The following ZNF329 variants were observed in gnomAD, a reference collection of about 807,000 sequenced individuals.
The protein encoded by ZNF329 is zinc finger protein 329.
Under a neutral mutation model 26.6 loss-of-function variants are expected in ZNF329, and 15 were observed. That is an observed-to-expected ratio of 0.56 (90% CI 0.38 to 0.87). The LOEUF is 0.87. ZNF329 is among the 40% of genes least tolerant of loss of function. The probability of loss-of-function intolerance (pLI) is 0.00; values close to 1 mark genes in which losing one functional copy is unlikely to be tolerated. For synonymous variants in ZNF329, 239 were observed against 233.5 expected (o/e 1.02, Z -0.21); for missense variants, 651 against 651.9 (o/e 1.00, Z 0.02).
intron 3 of ZNF329, among the ~76,000 whole-genome samples, chr19:58,131,745 T>TG (rs2146070541): frequency 6.6e-6 from 1 of 151,748 alleles, no homozygotes; most frequent in Admixed American, 6.6e-5. Context: ...AAACATTGGC[T>TG]GGGAGCAGTG....
chr19:58,135,980 C>T (rs367553975), intron 3 of ZNF329, among the ~76,000 whole-genome samples: 3 of 152,122 alleles, frequency 2.0e-5, no homozygotes, highest in South Asian at 4.1e-4. Flanking sequence ...GCCTTGTAAT[C>T]CCAGCACTTT....
chr19:58,144,605 T>A (rs2075264981), intron 1 of ZNF329, among the ~76,000 whole-genome samples: 1 of 151,742 alleles, frequency 6.6e-6, no homozygotes, highest in South Asian at 2.1e-4. Flanking sequence ...GCCAGGCTGA[T>A]CTTGAACTCC....
In ZNF329 at chr19:58,147,347, C is replaced by A. The variant is rs1179850394; in HGVS notation, c.-208+3405G>T. On this transcript the variant is annotated intron_variant, in intron 1 of 3. Coordinates refer to ENST00000598312, the MANE Select transcript of ZNF329 (RefSeq NM_024620.4). Reference sequence around the variant, plus strand: ...CCCGTCTGAGAAGTGAGGAGCCCCTCCGCCCGGCAGCCACCCCGTCTGGGA... The same window carrying A: ...CCCGTCTGAGAAGTGAGGAGCCCCTACGCCCGGCAGCCACCCCGTCTGGGA... Among the ~76,000 whole-genome samples the A allele has an allele frequency of 3.9e-3, 591 of 151,468 alleles. 5 individuals carry two copies. Among genetic ancestry groups the A allele is most frequent in the African/African-American group, 0.014 (574 of 41,032 alleles).
chr19:58,129,415 C>T lies in ZNF329; in HGVS notation c.89G>A (p.Cys30Tyr). ...EVERFTREVP[C>Y]LSSLGDGWDC... Reference sequence around the variant, plus strand: ...CCAACCATCACCTAAACTGGACAAGCAGGGAACTTCCCTTGTGAATCTTTC... The same window carrying T: ...CCAACCATCACCTAAACTGGACAAGTAGGGAACTTCCCTTGTGAATCTTTC... The change falls in exon 4 of 4, where the codon TGC (cysteine) becomes TAC (tyrosine). Residue 30 changes from cysteine to tyrosine, a missense_variant. Coordinates refer to ENST00000598312, the MANE Select transcript of ZNF329 (RefSeq NM_024620.4). 1.2e-6 allele frequency: 2 copies of T among 1,614,196 alleles called. No individual in the cohort carries two copies. The highest frequency in any genetic ancestry group is 1.1e-5 in the South Asian group (1 of 91,090).
At chr19:58,140,894 T>TTTTTATA (rs2075171052) in intron 3 of ZNF329, among the ~76,000 whole-genome samples, 1 of 144,978 alleles carries the variant, frequency 6.9e-6, no homozygotes, top group Non-Finnish European at 1.5e-5. Context: ...TTTTTTTGAG[T>TTTTTATA]TAGAATCTCA....
At chr19:58,145,615 C>T (rs894133187) in intron 1 of ZNF329, among the ~76,000 whole-genome samples, 2 of 152,086 alleles carry the variant, frequency 1.3e-5, no homozygotes, top group African/African-American at 4.8e-5. Flanking sequence ...AGCCACTGCG[C>T]CAAGCCAAAG....
chr19:58,146,344 C>T (rs571976215), intron 1 of ZNF329, among the ~76,000 whole-genome samples: 75 of 152,158 alleles, frequency 4.9e-4, no homozygotes, highest in Admixed American at 2.9e-3. Context: ...CATAGTGGCA[C>T]ACACCTGTAA....
rs180744451 is a variant in ZNF329, at chr19:58,138,046, G to T, written c.-9+4511C>A. 6.8e-4 allele frequency among the ~76,000 whole-genome samples: 104 copies of T among 152,188 alleles called. 1 individual carries two copies. The highest frequency in any genetic ancestry group is 2.3e-3 in the African/African-American group (94 of 41,534). ...AAGTGATATTAATTGTCAGACAGGG[G>T]TTTAACTAACAGTGTAAGGTTAACA... On this transcript the variant is annotated intron_variant, in intron 3 of 3. Transcript: ENST00000598312.
At chr19:58,134,363 A>G (rs1258621239) in intron 3 of ZNF329, among the ~76,000 whole-genome samples, 2 of 152,220 alleles carry the variant, frequency 1.3e-5, no homozygotes, top group Non-Finnish European at 2.9e-5. Context: ...GGGGTAAAAA[A>G]CAGCACAAAA....
Position 58,128,479 on chromosome 19 carries a change from G to T in ZNF329, c.1025C>A (p.Pro342His). Residue 342 changes from proline to histidine, a missense_variant, in exon 4 of 4, where the codon CCC becomes CAC. Pro to His is a moderately conservative substitution (Grantham distance 77). Coordinates refer to ENST00000598312, the MANE Select transcript of ZNF329 (RefSeq NM_024620.4). ...CTTTCCACATTTGCTACACTCATAGGGCTTCTCACCGGTGTGGATTCTGAG... is the reference window on the plus strand; with the variant it reads ...CTTTCCACATTTGCTACACTCATAGTGCTTCTCACCGGTGTGGATTCTGAG... ...VHLRIHTGEK[P>H]YECSKCGKAF... The T allele has an allele frequency of 6.2e-7, 1 of 1,613,780 alleles. No homozygotes were observed. The highest frequency in any genetic ancestry group is 8.5e-7 in the Non-Finnish European group (1 of 1,179,814).
At chr19:58,148,391 TA>T (rs1241009357) in intron 1 of ZNF329, among the ~76,000 whole-genome samples, 10,003 of 103,604 alleles carry the variant, frequency 0.097, 417 homozygotes, top group African/African-American at 0.13. Context: ...AATGATCAAT[TA>T]AAAAAAAAAA....
chr19:58,135,277 T>C (rs2075038759), intron 3 of ZNF329, among the ~76,000 whole-genome samples: 1 of 143,476 alleles, frequency 7.0e-6, no homozygotes, highest in South Asian at 2.1e-4. Flanking sequence ...ATCTATTTAA[T>C]TTTTTTTTTT....
intron 3 of ZNF329, among the ~76,000 whole-genome samples, chr19:58,140,482 G>A (rs370537500): frequency 1.4e-5 from 2 of 146,972 alleles, no homozygotes; most frequent in Admixed American, 7.0e-5. Context: ...GCGTGATCTC[G>A]GCTCACTGCA....
upstream of ZNF329, among the ~76,000 whole-genome samples, chr19:58,153,748 G>A (rs370000613): frequency 2.6e-5 from 4 of 152,038 alleles, no homozygotes; most frequent in Admixed American, 6.5e-5. Context: ...TTGCTTTGCT[G>A]TCCAGGATGT....
In ZNF329 at chr19:58,128,575, G is replaced by A; in HGVS notation, c.929C>T (p.Thr310Ile). 1.2e-6 allele frequency: 2 copies of A among 1,613,856 alleles called. No individual in the cohort carries two copies. Among genetic ancestry groups the A allele is most frequent in the Non-Finnish European group, 1.7e-6 (2 of 1,179,858 alleles). Reference sequence around the variant, plus strand: ...GTTACATCTATATGGTTTTTCCCCTGTATGAGTTCTTTGGTGCAAAATTAA... The same window carrying A: ...GTTACATCTATATGGTTTTTCCCCTATATGAGTTCTTTGGTGCAAAATTAA... ...SSLILHQRTH[T>I]GEKPYRCNEC... The change falls in exon 4 of 4, where the codon ACA becomes ATA. Residue 310 changes from threonine to isoleucine, a missense_variant. Coordinates refer to ENST00000598312, the MANE Select transcript of ZNF329 (RefSeq NM_024620.4).
intron 3 of ZNF329, among the ~76,000 whole-genome samples, chr19:58,137,206 T>C (rs915324352): frequency 1.3e-5 from 2 of 152,024 alleles, no homozygotes; most frequent in Non-Finnish European, 2.9e-5. Context: ...TTACAACTTA[T>C]GGGAAAGAAC....
chr19:58,136,758 A>AGTCAACAG (rs2075079368), intron 3 of ZNF329: 1 of 152,412 alleles, frequency 6.6e-6, no homozygotes, highest in Admixed American at 6.6e-5. Flanking sequence ...GATGGCAGCA[A>AGTCAACAG]GTCAACAGCC....
chr19:58,147,163 G>GC (rs1437986323), intron 1 of ZNF329, among the ~76,000 whole-genome samples: 1 of 145,426 alleles, frequency 6.9e-6, no homozygotes, highest in Non-Finnish European at 1.5e-5. Flanking sequence ...CTGCCCCGCC[G>GC]CCCCATCTGG....
chr19:58,147,605 G>A (rs1201642115), intron 1 of ZNF329, among the ~76,000 whole-genome samples: 1 of 138,550 alleles, frequency 7.2e-6, no homozygotes, highest in African/African-American at 2.9e-5. Flanking sequence ...GGGGGGGTCA[G>A]CCCTCCGCCT....
Sources: gnomAD v4.1 joint callset for allele counts (sites outside exome capture counted in the v4.1 genomes callset) on GRCh38, gnomAD v4.1.1 for gene constraint, MANE v1.5 for transcripts, NCBI Gene and HGNC (gene_info 2026-07-23, HGNC 2026-07-21) for gene names.